The following RUBCN variants were observed in gnomAD, a reference collection of about 807,000 sequenced individuals.
RUBCN encodes rubicon autophagy regulator.
In RUBCN, 74 loss-of-function variants were observed where a neutral mutation model predicts 113.2. The observed-to-expected ratio is 0.65, with a 90% CI of 0.54 to 0.79. The LOEUF (loss-of-function observed/expected upper bound fraction) is 0.79. Among genes scored for constraint, RUBCN ranks in the 30% least tolerant of loss-of-function variants. The probability of loss-of-function intolerance (pLI) is 0.00; values close to 1 mark genes in which losing one functional copy is unlikely to be tolerated. For missense variants in RUBCN, 1,109 were observed against 1,251.7 expected (o/e 0.89, Z 1.72); for synonymous variants, 480 against 490.0 (o/e 0.98, Z 0.27).
chr3:197,715,007 C>A (rs1055813779), intron 2 of RUBCN, among the ~76,000 whole-genome samples: 1 of 151,998 alleles, frequency 6.6e-6, no homozygotes, highest in Non-Finnish European at 1.5e-5. Flanking sequence ...AAAAGAAACT[C>A]GGCTAGGCGC....
chr3:197,748,016 C>T (rs1397761384), intron 1 of RUBCN: 1 of 152,074 alleles, frequency 6.6e-6, no homozygotes, highest in Non-Finnish European at 1.5e-5. Flanking sequence ...ACTGCAACCT[C>T]CGCCTCCCGG....
chr3:197,733,657 C>T (rs1727773631), intron 1 of RUBCN, among the ~76,000 whole-genome samples: 1 of 152,084 alleles, frequency 6.6e-6, no homozygotes, highest in Admixed American at 6.6e-5. Flanking sequence ...GCTAAGGAGG[C>T]CATCAGTACC....
chr3:197,746,740 G>C (rs914001118), intron 1 of RUBCN, among the ~76,000 whole-genome samples: 1 of 152,142 alleles, frequency 6.6e-6, no homozygotes, highest in Non-Finnish European at 1.5e-5. Flanking sequence ...TGTGTGAAAC[G>C]AAGTCTTTTA....
At chr3:197,742,896 T>C (rs1728583547) in intron 1 of RUBCN, among the ~76,000 whole-genome samples, 1 of 152,260 alleles carries the variant, frequency 6.6e-6, no homozygotes, top group African/African-American at 2.4e-5. Context: ...TGTAAATTTG[T>C]TTAGCTTTGG....
At chr3:197,720,413 AT>A (rs997783761) in intron 1 of RUBCN, among the ~76,000 whole-genome samples, 94 of 145,586 alleles carry the variant, frequency 6.5e-4, no homozygotes, top group Middle Eastern at 3.7e-3. Context: ...GTTGACGGAC[AT>A]TTTTTTTTTT....
chr3:197,739,670 G>T (rs1400983838), upstream of RUBCN, among the ~76,000 whole-genome samples: 1 of 152,076 alleles, frequency 6.6e-6, no homozygotes, highest in Non-Finnish European at 1.5e-5. Context: ...CTGCACTCCA[G>T]CCTGGAAGAC....
chr3:197,736,978 C>T, upstream of RUBCN: 1 of 1,268,438 alleles, frequency 7.9e-7, no homozygotes, highest in Non-Finnish European at 9.9e-7. Context: ...AGGACGCGTC[C>T]TCCAATCCCA....
chr3:197,687,654 G>C (rs886741126), intron 11 of RUBCN, among the ~76,000 whole-genome samples: 1 of 152,230 alleles, frequency 6.6e-6, no homozygotes, highest in Non-Finnish European at 1.5e-5. Context: ...CTCATAAACA[G>C]CTCCCTCGGC....
chr3:197,694,332 T>C (rs13316044), intron 10 of RUBCN, 43 bp downstream of exon 10: 21,030 of 1,574,624 alleles, frequency 0.013, 496 homozygotes, highest in African/African-American at 0.074. Context: ...TATGCTGAAG[T>C]TGGGAAAATG....
chr3:197,693,032 G>A (rs183448044), intron 11 of RUBCN, among the ~76,000 whole-genome samples: 86 of 152,334 alleles, frequency 5.6e-4, no homozygotes, highest in Admixed American at 3.7e-3. Flanking sequence ...AAGGAAGAGC[G>A]TTTGTCCCTG....
intron 1 of RUBCN, among the ~76,000 whole-genome samples, chr3:197,735,535 G>A (rs1203292190): frequency 1.3e-5 from 2 of 152,200 alleles, no homozygotes; most frequent in Admixed American, 6.5e-5. Flanking sequence ...CCCTAAATAT[G>A]GAAGGCATCT....
intron 1 of RUBCN, among the ~76,000 whole-genome samples, chr3:197,728,426 C>G (rs986006330): frequency 1.3e-5 from 2 of 152,068 alleles, no homozygotes; most frequent in Non-Finnish European, 1.5e-5. Flanking sequence ...GCTACTAGCT[C>G]TATGTAAACT....
intron 1 of RUBCN, among the ~76,000 whole-genome samples, chr3:197,720,168 C>T (rs1304065120): frequency 6.6e-6 from 1 of 152,140 alleles, no homozygotes; most frequent in Non-Finnish European, 1.5e-5. Context: ...CTCTCCATGC[C>T]CTTCTCCCTC....
intron 2 of RUBCN, among the ~76,000 whole-genome samples, 156 bp downstream of exon 2, chr3:197,717,821 C>T (rs1018186019): frequency 6.6e-6 from 1 of 152,084 alleles, no homozygotes; most frequent in Admixed American, 6.5e-5. Flanking sequence ...CCATCAGACA[C>T]GATGTGAAAC....
chr3:197,683,256 T>G lies in RUBCN; in HGVS notation c.1980+51A>C. ...GGACATGTGACGAAGGAAAACAAGG[T>G]CACAGAGGCTCACGATGGCCCCTGG... On this transcript the variant is annotated intron_variant, in intron 13 of 19. Transcript: ENST00000296343. This position sits in a 1 kb window ranked among gnomAD's most constrained non-coding sequence, Gnocchi z 4.6. The G allele has an allele frequency of 6.2e-7, 1 of 1,612,538 alleles. No individual in the cohort carries two copies. The highest frequency in any genetic ancestry group is 8.5e-7 in the Non-Finnish European group (1 of 1,178,734).
At chr3:197,676,162 T>C (rs1720387660) in intron 18 of RUBCN, 1 of 988,064 alleles carries the variant, frequency 1.0e-6, no homozygotes, top group Non-Finnish European at 1.2e-6. Context: ...TCAAAAATAC[T>C]GAGAAGAAAG....
intron 1 of RUBCN, among the ~76,000 whole-genome samples, chr3:197,747,500 C>T (rs1165046193): frequency 2.0e-5 from 3 of 151,850 alleles, no homozygotes; most frequent in East Asian, 3.9e-4. Flanking sequence ...GGATTACAAG[C>T]GTGAGCCACT....
chr3:197,738,444 A>G (rs1455965231), upstream of RUBCN, among the ~76,000 whole-genome samples: 1 of 152,248 alleles, frequency 6.6e-6, no homozygotes, highest in Non-Finnish European at 1.5e-5. Flanking sequence ...TAAAAATGAA[A>G]TGAAAGAGCC....
In RUBCN at chr3:197,705,831, G is replaced by A. The variant is rs545857623; in HGVS notation, c.220-656C>T. On this transcript the variant is annotated intron_variant, in intron 2 of 19. Coordinates refer to ENST00000296343, the MANE Select transcript of RUBCN (RefSeq NM_014687.4). ...CAACCTCCACCTCCCATGCTGAGGC[G>A]ATTCTCATGCCTCAGCCTCCCGAAC... Among the ~76,000 whole-genome samples the A allele has an allele frequency of 1.1e-4, 16 of 152,090 alleles. No homozygotes were observed. The East Asian group carries it at 2.3e-3, about 22-fold the overall frequency.
Sources: gnomAD v4.1 joint callset for allele counts (sites outside exome capture counted in the v4.1 genomes callset) on GRCh38, gnomAD v4.1.1 for gene constraint, Gnocchi (gnomAD v3.1) non-coding constraint, MANE v1.5 for transcripts, NCBI Gene and HGNC (gene_info 2026-07-23, HGNC 2026-07-21) for gene names.